Variants in RORA observed in about 807,000 individuals in gnomAD.
RORA encodes the protein nuclear receptor ROR-alpha.
Under a neutral mutation model 69.5 loss-of-function variants are expected in RORA, and 7 were observed. The observed-to-expected ratio is 0.10, with a 90% CI of 0.06 to 0.19. RORA has a LOEUF of 0.19. Ranked by LOEUF, RORA falls within the 10% of genes least tolerant of loss-of-function variation. RORA has a pLI of 1.00. For synonymous variants in RORA, 261 were observed against 240.8 expected (o/e 1.08, Z -0.78); for missense variants, 457 against 663.0 (o/e 0.69, Z 3.41).
At chr15:61,132,878 C>G (rs1336236200) in intron 1 of RORA, among the ~76,000 whole-genome samples, 1 of 152,162 alleles carries the variant, frequency 6.6e-6, no homozygotes, top group Admixed American at 6.5e-5. Context: ...ACTGTTGACA[C>G]TTTTATAAAT....
intron 2 of RORA, among the ~76,000 whole-genome samples, chr15:60,539,005 A>G (rs1454549219): frequency 6.6e-6 from 1 of 150,960 alleles, no homozygotes; most frequent in Non-Finnish European, 1.5e-5. Flanking sequence ...AAATGCACAC[A>G]CACACACACA....
intron 1 of RORA, among the ~76,000 whole-genome samples, chr15:61,053,195 C>A (rs2078038413): frequency 6.6e-6 from 1 of 152,150 alleles, no homozygotes; most frequent in African/African-American, 2.4e-5. Flanking sequence ...AGTCTTGATT[C>A]CTCATATTTT....
intron 1 of RORA, among the ~76,000 whole-genome samples, chr15:61,159,183 G>A (rs533030771): frequency 3.3e-5 from 5 of 152,154 alleles, no homozygotes; most frequent in East Asian, 1.9e-4. Flanking sequence ...AGAATGAAAG[G>A]GGGTTACTTA....
intron 2 of RORA, among the ~76,000 whole-genome samples, chr15:60,632,599 A>G (rs2069763424): frequency 6.6e-6 from 1 of 152,026 alleles, no homozygotes; most frequent in Non-Finnish European, 1.5e-5. Context: ...TGGTTTATTT[A>G]TTTATTATTA....
chr15:61,132,008 G>GCCTCCCTCACTTTCTCCTTC (rs1434477982), intron 1 of RORA, among the ~76,000 whole-genome samples: 1 of 152,174 alleles, frequency 6.6e-6, no homozygotes, highest in African/African-American at 2.4e-5. Flanking sequence ...ATTCTCCATT[G>GCCTCCCTCACTTTCTCCTTC]CCTCCCTCAC....
intron 1 of RORA, among the ~76,000 whole-genome samples, chr15:60,797,907 G>A (rs1410927416): frequency 6.6e-6 from 1 of 152,182 alleles, no homozygotes; most frequent in Admixed American, 6.5e-5. Context: ...TTTCCCAGGA[G>A]TTAGGCTGAC....
chr15:60,880,578 G>A (rs760948778), intron 1 of RORA, among the ~76,000 whole-genome samples: 41 of 152,144 alleles, frequency 2.7e-4, no homozygotes, highest in Admixed American at 5.2e-4. Flanking sequence ...GGCGGAGGTT[G>A]CAGTGAGCCA....
intron 1 of RORA, among the ~76,000 whole-genome samples, chr15:60,926,558 A>G (rs1892224907): frequency 6.6e-6 from 1 of 152,252 alleles, no homozygotes; most frequent in South Asian, 2.1e-4. Context: ...ATTTGGCTAT[A>G]ATATGCTGCA....
intron 1 of RORA, among the ~76,000 whole-genome samples, chr15:60,897,390 C>T (rs1891259052): frequency 6.6e-6 from 1 of 152,160 alleles, no homozygotes; most frequent in Non-Finnish European, 1.5e-5. Flanking sequence ...CCATTTCACT[C>T]CAGAATAAGT....
intron 1 of RORA, among the ~76,000 whole-genome samples, chr15:60,952,219 A>C (rs1477110344): frequency 6.6e-6 from 1 of 151,914 alleles, no homozygotes; most frequent in Admixed American, 6.6e-5. Context: ...ATGCAGAAAA[A>C]GCCTTTGACA....
chr15:60,623,572 G>A (rs2069477656), intron 2 of RORA, among the ~76,000 whole-genome samples: 1 of 152,148 alleles, frequency 6.6e-6, no homozygotes, highest in African/African-American at 2.4e-5. Flanking sequence ...GGGAACTAAG[G>A]CCCAGCTAGT....
intron 2 of RORA, among the ~76,000 whole-genome samples, chr15:60,621,459 G>C (rs1849278131): frequency 1.3e-5 from 2 of 152,134 alleles, no homozygotes; most frequent in Non-Finnish European, 2.9e-5. Flanking sequence ...AATTATTTCT[G>C]CCAGGTGGGG....
chr15:60,916,808 A>C, intron 1 of RORA, among the ~76,000 whole-genome samples: 1 of 152,218 alleles, frequency 6.6e-6, no homozygotes, highest in East Asian at 1.9e-4. Flanking sequence ...CTCAGGAGTT[A>C]ACTGCACGGT....
chr15:60,904,562 T>C (rs1338103340), intron 1 of RORA, among the ~76,000 whole-genome samples: 1 of 152,206 alleles, frequency 6.6e-6, no homozygotes, highest in Non-Finnish European at 1.5e-5. Context: ...TCCTTCAGTA[T>C]GGTGGCTGGT....
chr15:61,055,147 T>A (rs950983968), intron 1 of RORA, among the ~76,000 whole-genome samples: 1 of 152,148 alleles, frequency 6.6e-6, no homozygotes, highest in Non-Finnish European at 1.5e-5. Context: ...TAAAACACAG[T>A]CTTGAACTTA....
intron 1 of RORA, among the ~76,000 whole-genome samples, chr15:60,946,237 C>A (rs1892867650): frequency 6.6e-6 from 1 of 151,712 alleles, no homozygotes; most frequent in Non-Finnish European, 1.5e-5. Flanking sequence ...ACTCCGACTC[C>A]CTCTCCCTCT....
chr15:60,845,769 T>C (rs1186714665), intron 1 of RORA, among the ~76,000 whole-genome samples: 1 of 152,204 alleles, frequency 6.6e-6, no homozygotes, highest in Non-Finnish European at 1.5e-5. Flanking sequence ...TTGTTTGAGA[T>C]GGAGTCTTGC....
rs2067420399 is a variant in RORA at position 60,558,103 on chromosome 15, G to C, written c.197-26252C>G. ...ATATGGGTGATGTTGAGAAAACCAA[G>C]ATTTTTGTCTAGAAGTATGCCCAGT... On this transcript the variant is annotated intron_variant, in intron 2 of 10. Transcript: ENST00000335670. 1.4e-5 allele frequency: 8 copies of C among 563,316 alleles called. No individual in the cohort carries two copies. The East Asian group carries it at 2.5e-4, about 18-fold the overall frequency. The allele number at this position is 563,316 out of a possible 1,614,324, so 34.9% of individuals were successfully genotyped here. A position where few individuals can be genotyped will look rare whatever the true frequency, so the allele number is the denominator to read the frequency against.
intron 1 of RORA, among the ~76,000 whole-genome samples, chr15:60,862,867 T>C (rs1445212188): frequency 6.6e-6 from 1 of 152,198 alleles, no homozygotes; most frequent in Non-Finnish European, 1.5e-5. Context: ...GGGACAGAGA[T>C]CTTAATGAGC....
Sources: gnomAD v4.1 joint callset for allele counts (sites outside exome capture counted in the v4.1 genomes callset) on GRCh38, gnomAD v4.1.1 for gene constraint, MANE v1.5 for transcripts, NCBI Gene and HGNC (gene_info 2026-07-23, HGNC 2026-07-21) for gene names.